The following UMAD1 variants were observed in gnomAD, a reference collection of about 807,000 sequenced individuals.
UMAD1 encodes UBAP1-MVB12-associated (UMA)-domain containing protein 1.
UMAD1 carries 8 observed loss-of-function variants against 6.1 expected under a neutral mutation model. The ratio of observed to expected loss-of-function variants is 1.30; its 90% CI spans 0.76 to 2.35. The LOEUF is 2.35. UMAD1 is among the 30% of genes most tolerant of loss of function. The pLI is 0.00. For synonymous variants in UMAD1, 56 were observed against 31.4 expected (o/e 1.78, Z -2.61); for missense variants, 130 against 78.4 (o/e 1.66, Z -2.49).
intron 2 of UMAD1, among the ~76,000 whole-genome samples, chr7:7,796,033 A>G (rs1172327699): frequency 1.3e-5 from 2 of 152,082 alleles, no homozygotes; most frequent in Non-Finnish European, 2.9e-5. Context: ...ACAAGGGGAC[A>G]GAACCACTTG....
chr7:7,801,744 GT>G lies in UMAD1; in HGVS notation c.156+2del. 1 of 717,910 alleles carries G rather than the reference GT, an allele frequency of 1.4e-6. No homozygotes were observed. The highest frequency in any genetic ancestry group is 1.7e-5 in the African/African-American group (1 of 57,376). The allele number at this position is 717,910 out of a possible 1,614,324, so 44.5% of individuals were successfully genotyped here. A position where few individuals can be genotyped will look rare whatever the true frequency, so the allele number is the denominator to read the frequency against. On this transcript the variant is annotated splice_donor_variant, in intron 3 of 3. Transcript: ENST00000682710. LOFTEE classifies it high-confidence loss of function. Reference sequence around the variant, plus strand: ...CATAGAGGCCAACCAACCTTTGGAGGTAAGTGAAACAGAGTAAGTCCTTTTC... The same window carrying G: ...CATAGAGGCCAACCAACCTTTGGAGGAAGTGAAACAGAGTAAGTCCTTTTC...
intron 1 of UMAD1, among the ~76,000 whole-genome samples, chr7:7,646,821 C>A (rs531099740): frequency 6.6e-6 from 1 of 152,242 alleles, no homozygotes; most frequent in African/African-American, 2.4e-5. Flanking sequence ...CACCATTCTG[C>A]TGCTCTGCCA....
chr7:7,736,984 C>T (rs1487040533), intron 2 of UMAD1: 1 of 152,356 alleles, frequency 6.6e-6, no homozygotes, highest in Non-Finnish European at 1.5e-5. Flanking sequence ...GAAGACCCCA[C>T]TGCTTCTCCA....
intron 2 of UMAD1, among the ~76,000 whole-genome samples, chr7:7,687,538 G>A (rs1780068016): frequency 6.6e-6 from 1 of 152,166 alleles, no homozygotes; most frequent in African/African-American, 2.4e-5. Flanking sequence ...AGACTGGAAG[G>A]CCGATCTATG....
At chr7:7,737,960 G>C (rs1379179835) in intron 2 of UMAD1, among the ~76,000 whole-genome samples, 2 of 152,174 alleles carry the variant, frequency 1.3e-5, no homozygotes, top group African/African-American at 4.8e-5. Flanking sequence ...GGAAAATTTA[G>C]TGTCACTAAA....
At chr7:7,858,503 A>T (rs886279356) in intron 3 of UMAD1, among the ~76,000 whole-genome samples, 2 of 152,238 alleles carry the variant, frequency 1.3e-5, no homozygotes, top group African/African-American at 2.4e-5. Flanking sequence ...TGGCAGTTGA[A>T]ACCATAGCAA....
At chr7:7,786,346 A>G (rs1252658128) in intron 2 of UMAD1, among the ~76,000 whole-genome samples, 1 of 152,176 alleles carries the variant, frequency 6.6e-6, no homozygotes, top group Non-Finnish European at 1.5e-5. Flanking sequence ...ATGTTTTGCA[A>G]TTAGATGCAG....
rs544680807 is a variant in UMAD1, at chr7:7,855,656, C to T, written c.157-21625C>T. ...AGGCCTGTGGTGGGAGGAGCTGGTG[C>T]GAAGCTCTCTGACATGCCCTGAAGA... On this transcript the variant is annotated intron_variant, in intron 3 of 3. Transcript: ENST00000682710. Among the ~76,000 whole-genome samples the T allele has an allele frequency of 8.4e-4, 128 of 152,324 alleles. 1 individual carries two copies. The highest frequency in any genetic ancestry group is 2.9e-3 in the African/African-American group (122 of 41,570).
intron 3 of UMAD1, among the ~76,000 whole-genome samples, chr7:7,804,550 G>A (rs1168656429): frequency 1.3e-5 from 2 of 152,256 alleles, no homozygotes; most frequent in Non-Finnish European, 2.9e-5. Flanking sequence ...CCGTGCGCCT[G>A]TAATCCCAGC....
At chr7:7,863,975 G>T (rs1254761010) in intron 3 of UMAD1, among the ~76,000 whole-genome samples, 1 of 152,206 alleles carries the variant, frequency 6.6e-6, no homozygotes, top group Non-Finnish European at 1.5e-5. Flanking sequence ...GTGATAAGAA[G>T]AAATATATAT....
chr7:7,661,695 G>A (rs1481848400), intron 1 of UMAD1, among the ~76,000 whole-genome samples: 1 of 152,178 alleles, frequency 6.6e-6, no homozygotes, highest in Admixed American at 6.5e-5. Context: ...TCCCAGAGGG[G>A]CACCCACCAG....
chr7:7,730,417 C>A (rs1004442293), intron 2 of UMAD1, among the ~76,000 whole-genome samples: 5 of 152,222 alleles, frequency 3.3e-5, no homozygotes, highest in Non-Finnish European at 7.3e-5. Flanking sequence ...GACATGTTTG[C>A]TGCTTCTTGC....
chr7:7,648,408 G>A (rs1044894340), intron 1 of UMAD1, among the ~76,000 whole-genome samples: 3 of 152,114 alleles, frequency 2.0e-5, no homozygotes, highest in African/African-American at 2.4e-5. Context: ...TTCCAGGTGT[G>A]TCTGTCTTGT....
At chr7:7,816,215 C>T (rs766873638) in intron 3 of UMAD1, among the ~76,000 whole-genome samples, 1 of 152,140 alleles carries the variant, frequency 6.6e-6, no homozygotes, top group Non-Finnish European at 1.5e-5. Context: ...ATTAATGGAA[C>T]CGGAATTGAG....
At chr7:7,697,349 G>A (rs1260512192) in intron 2 of UMAD1, among the ~76,000 whole-genome samples, 1 of 152,110 alleles carries the variant, frequency 6.6e-6, no homozygotes, top group Admixed American at 6.6e-5. Flanking sequence ...CAGACAAGTT[G>A]CAGCATTTAA....
intron 1 of UMAD1, among the ~76,000 whole-genome samples, chr7:7,655,683 G>A (rs151123264): frequency 1.3e-3 from 192 of 152,318 alleles, no homozygotes; most frequent in Admixed American, 2.5e-3. Flanking sequence ...TGCTATATAT[G>A]TGTATGATGT....
At chr7:7,659,495 G>A (rs1030158720) in intron 1 of UMAD1, among the ~76,000 whole-genome samples, 8 of 152,110 alleles carry the variant, frequency 5.3e-5, no homozygotes, top group Admixed American at 5.2e-4. Context: ...AGGGATTCTG[G>A]TACCTTATAT....
chr7:7,859,348 T>C (rs1784073811), intron 3 of UMAD1, among the ~76,000 whole-genome samples: 1 of 152,226 alleles, frequency 6.6e-6, no homozygotes, highest in African/African-American at 2.4e-5. Context: ...TTATGTTTCT[T>C]ACCATAATCA....
intron 3 of UMAD1, among the ~76,000 whole-genome samples, chr7:7,819,643 GT>G (rs1783204167): frequency 6.6e-6 from 1 of 152,190 alleles, no homozygotes; most frequent in Admixed American, 6.5e-5. Context: ...AACAAAAATA[GT>G]TTTAGTTTTG....
Sources: allele counts gnomAD v4.1 joint callset (sites outside exome capture counted in the v4.1 genomes callset), GRCh38; gene constraint gnomAD v4.1.1; transcripts MANE v1.5; gene names NCBI Gene and HGNC (gene_info 2026-07-23, HGNC 2026-07-21).